BACE2: variants seen among roughly 807,000 people sequenced by gnomAD.
The protein encoded by BACE2 is beta-secretase 2.
BACE2 carries 17 observed loss-of-function variants against 46.2 expected under a neutral mutation model. The observed-to-expected ratio is 0.37, with a 90% CI of 0.25 to 0.55. BACE2 has a LOEUF of 0.55. BACE2 is among the 20% of genes least tolerant of loss of function. The probability of loss-of-function intolerance (pLI) is 0.82; values close to 1 mark genes in which losing one functional copy is unlikely to be tolerated. For synonymous variants in BACE2, 277 were observed against 295.9 expected (o/e 0.94, Z 0.66); for missense variants, 595 against 698.1 (o/e 0.85, Z 1.66).
chr21:41,280,653 C>G lies in BACE2; in HGVS notation c.*5029C>G, dbSNP rs1300554932. 1 of 152,248 alleles carries G rather than the reference C, an allele frequency of 6.6e-6. No individual in the cohort carries two copies. The highest frequency in any genetic ancestry group is 1.5e-5 in the Non-Finnish European group (1 of 68,070). The allele number at this position is 152,248 out of a possible 1,614,324, so 9.4% of individuals were successfully genotyped here. A position where few individuals can be genotyped will look rare whatever the true frequency, so the allele number is the denominator to read the frequency against. On this transcript the variant is annotated 3_prime_UTR_variant, in exon 9 of 9. Transcript: ENST00000330333. ...GGTGTCACCCTGTTAGCCACATCTGCGGAATGTGGAAGGCAGAACATAGCC... is the reference window on the plus strand; with the variant it reads ...GGTGTCACCCTGTTAGCCACATCTGGGGAATGTGGAAGGCAGAACATAGCC...
At chr21:41,274,780 G>A (rs977693056) in intron 8 of BACE2, among the ~76,000 whole-genome samples, 6 of 152,154 alleles carry the variant, frequency 3.9e-5, no homozygotes, top group South Asian at 2.1e-4. Flanking sequence ...TAAGAGTGGG[G>A]CAGGGAGGGT....
intron 1 of BACE2, among the ~76,000 whole-genome samples, chr21:41,208,861 G>A (rs777207816): frequency 1.3e-4 from 20 of 152,138 alleles, no homozygotes; most frequent in Admixed American, 5.9e-4. Flanking sequence ...TGGGAGTTCC[G>A]TGGAGGCAGC....
intron 1 of BACE2, among the ~76,000 whole-genome samples, chr21:41,221,044 T>TA (rs59801748): frequency 0.12 from 15,554 of 132,652 alleles, 1,236 homozygotes; most frequent in African/African-American, 0.23. Flanking sequence ...AAAAGTATAT[T>TA]AAAAAAAAAA....
chr21:41,266,758 G>A (rs8134468), intron 8 of BACE2, among the ~76,000 whole-genome samples: 46,235 of 152,154 alleles, frequency 0.3, 9,463 homozygotes, highest in African/African-American at 0.59. Flanking sequence ...CCTCCTGGTC[G>A]TGGGAACCCC....
chr21:41,191,755 C>CG (rs1985576918), intron 1 of BACE2, among the ~76,000 whole-genome samples: 1 of 152,114 alleles, frequency 6.6e-6, no homozygotes, highest in African/African-American at 2.4e-5. Context: ...TGGGTGATGA[C>CG]GGGGGTGGCT....
intron 1 of BACE2, chr21:41,181,834 C>T (rs1431323358): frequency 6.0e-6 from 1 of 166,992 alleles, no homozygotes; most frequent in African/African-American, 2.4e-5. Flanking sequence ...ACTGTCTATC[C>T]TGGGGGTGTT....
At chr21:41,216,199 C>T (rs1271330905) in intron 1 of BACE2, among the ~76,000 whole-genome samples, 1 of 152,154 alleles carries the variant, frequency 6.6e-6, no homozygotes, top group African/African-American at 2.4e-5. Flanking sequence ...TTTCCAGTGT[C>T]ACCACACAGA....
chr21:41,255,159 G>A (rs186607239), intron 7 of BACE2, among the ~76,000 whole-genome samples: 1 of 152,344 alleles, frequency 6.6e-6, no homozygotes, highest in African/African-American at 2.4e-5. Flanking sequence ...GGTCTGATTT[G>A]GGGGGAACAG....
In BACE2 at chr21:41,241,948, G is replaced by T. The variant is rs1338572421; in HGVS notation, c.747+1G>T. 2 of 1,614,118 alleles carry T rather than the reference G, an allele frequency of 1.2e-6. No individual in the cohort carries two copies. The highest frequency in any genetic ancestry group is 1.7e-6 in the Non-Finnish European group (2 of 1,180,018). ...ATCTGGGACCAACGGAGGTAGTCTT[G>T]TGGGTATCTTTTAGTCTTAAAGGGG... On this transcript the variant is annotated splice_donor_variant, in intron 4 of 8. Transcript: ENST00000330333. LOFTEE classifies it high-confidence loss of function.
At chr21:41,196,018 C>T (rs1396791149) in intron 1 of BACE2, among the ~76,000 whole-genome samples, 2 of 152,154 alleles carry the variant, frequency 1.3e-5, no homozygotes, top group Non-Finnish European at 2.9e-5. Context: ...GGCACAGTGG[C>T]TCATGCCTGT....
chr21:41,219,211 T>C (rs974681075), intron 1 of BACE2, among the ~76,000 whole-genome samples: 2 of 151,854 alleles, frequency 1.3e-5, no homozygotes, highest in Non-Finnish European at 2.9e-5. Flanking sequence ...AAAAATATCA[T>C]TCTAAGTTGC....
At chr21:41,245,686 A>G (rs1987444626) in intron 5 of BACE2, among the ~76,000 whole-genome samples, 1 of 152,262 alleles carries the variant, frequency 6.6e-6, no homozygotes, top group Non-Finnish European at 1.5e-5. Flanking sequence ...TGAGTAAGGA[A>G]AGAGCTGTGC....
At chr21:41,185,791 G>A (rs73364421) in intron 1 of BACE2, among the ~76,000 whole-genome samples, 3,591 of 152,200 alleles carry the variant, frequency 0.024, 155 homozygotes, top group African/African-American at 0.077. Flanking sequence ...CCCAGTGGGC[G>A]GCCAACCCCG....
intron 1 of BACE2, among the ~76,000 whole-genome samples, chr21:41,225,010 A>G (rs958271770): frequency 9.2e-5 from 14 of 152,180 alleles, no homozygotes; most frequent in South Asian, 4.1e-4. Context: ...CGAGGCGGGC[A>G]GATCACGACT....
At chr21:41,250,043 G>A (rs1469318347) in intron 6 of BACE2, among the ~76,000 whole-genome samples, 1 of 152,192 alleles carries the variant, frequency 6.6e-6, no homozygotes, top group South Asian at 2.1e-4. Context: ...CGGGGGCCAG[G>A]CCACAGATCT....
chr21:41,255,510 C>T (rs570925520), intron 7 of BACE2, among the ~76,000 whole-genome samples: 20 of 152,280 alleles, frequency 1.3e-4, no homozygotes, highest in African/African-American at 4.6e-4. Context: ...TCCACACGGA[C>T]GAAGTGATTA....
intron 1 of BACE2, among the ~76,000 whole-genome samples, chr21:41,206,856 C>A (rs192493774): frequency 6.7e-6 from 1 of 149,990 alleles, no homozygotes. Context: ...AAGGAGTAAT[C>A]ATCTTATAAA....
chr21:41,226,473 T>C, intron 2 of BACE2, 119 bp downstream of exon 2: 1 of 778,292 alleles, frequency 1.3e-6, no homozygotes, highest in South Asian at 1.7e-5. Context: ...GATACCAATA[T>C]GTATGTGTAT....
At chr21:41,249,366 A>G (rs1987572836) in intron 6 of BACE2, among the ~76,000 whole-genome samples, 1 of 149,034 alleles carries the variant, frequency 6.7e-6, no homozygotes, top group African/African-American at 2.5e-5. Flanking sequence ...ACTCAGAACT[A>G]GTGAGCCCCA....
Sources: allele counts gnomAD v4.1 joint callset (sites outside exome capture counted in the v4.1 genomes callset), GRCh38; gene constraint gnomAD v4.1.1; transcripts MANE v1.5; gene names NCBI Gene and HGNC (gene_info 2026-07-23, HGNC 2026-07-21).